The following RGS9 variants were observed in gnomAD, a reference collection of about 807,000 sequenced individuals.
RGS9 encodes regulator of G protein signaling 9.
Under a neutral mutation model 102.0 loss-of-function variants are expected in RGS9, and 78 were observed. The observed-to-expected ratio is 0.76, with a 90% CI of 0.64 to 0.92. The LOEUF (loss-of-function observed/expected upper bound fraction) is 0.92. Ranked by LOEUF, RGS9 falls within the 40% of genes least tolerant of loss-of-function variation. The pLI is 0.00. For missense variants in RGS9, 833 were observed against 866.1 expected (o/e 0.96, Z 0.48); for synonymous variants, 353 against 318.6 (o/e 1.11, Z -1.15).
chr17:65,147,090 A>G (rs1225354797), intron 1 of RGS9, among the ~76,000 whole-genome samples: 1 of 152,004 alleles, frequency 6.6e-6, no homozygotes, highest in African/African-American at 2.4e-5. Context: ...TGCTTCCCTC[A>G]TTGCTGCTGG....
intron 14 of RGS9, among the ~76,000 whole-genome samples, chr17:65,203,190 T>C (rs2144094631): frequency 6.6e-6 from 1 of 152,224 alleles, no homozygotes; most frequent in East Asian, 1.9e-4. Context: ...TCTCACTTCT[T>C]CTTATACTTA....
chr17:65,142,070 C>T (rs1253672882), intron 1 of RGS9, among the ~76,000 whole-genome samples: 1 of 152,180 alleles, frequency 6.6e-6, no homozygotes, highest in Non-Finnish European at 1.5e-5. Context: ...GCCTGGCTAA[C>T]ATGGTGAAAC....
At chr17:65,159,015 T>A (rs1485966765) in intron 3 of RGS9, among the ~76,000 whole-genome samples, 2 of 152,116 alleles carry the variant, frequency 1.3e-5, no homozygotes, top group African/African-American at 4.8e-5. Context: ...CATGGCCTGT[T>A]CCTGACTTAA....
chr17:65,207,852 G>T, intron 15 of RGS9, 70 bp from the exon 16 acceptor site: 1 of 1,120,338 alleles, frequency 8.9e-7, no homozygotes, highest in Non-Finnish European at 1.3e-6. Context: ...GCTTGAAAAT[G>T]GCAAGGGTAT....
chr17:65,152,083 G>A (rs1431022283), intron 1 of RGS9, among the ~76,000 whole-genome samples: 2 of 152,216 alleles, frequency 1.3e-5, no homozygotes, highest in African/African-American at 2.4e-5. Context: ...GGAGCAGGGC[G>A]TCAGGAGTGC....
intron 12 of RGS9, among the ~76,000 whole-genome samples, chr17:65,194,885 G>T (rs1315243516): frequency 1.3e-5 from 2 of 152,206 alleles, no homozygotes; most frequent in Admixed American, 6.5e-5. Flanking sequence ...GGGTAAGCAG[G>T]CCTGGCCTGG....
chr17:65,148,550 A>C (rs1910456867), intron 1 of RGS9, among the ~76,000 whole-genome samples: 1 of 152,214 alleles, frequency 6.6e-6, no homozygotes, highest in Admixed American at 6.5e-5. Context: ...ACAGGGTTCC[A>C]ATTTCAATCT....
intron 8 of RGS9, among the ~76,000 whole-genome samples, chr17:65,177,206 C>T (rs955925060): frequency 6.6e-6 from 1 of 150,660 alleles, no homozygotes; most frequent in African/African-American, 2.4e-5. Context: ...ATTCACCCAC[C>T]CACCATCCAC....
chr17:65,215,546 T>TTCTTTCTTTC (rs1478824196), intron 17 of RGS9, among the ~76,000 whole-genome samples: 6 of 135,604 alleles, frequency 4.4e-5, no homozygotes, highest in African/African-American at 1.6e-4. Flanking sequence ...CTTTCTTTCT[T>TTCTTTCTTTC]TTTTTTTGTT....
intron 1 of RGS9, among the ~76,000 whole-genome samples, chr17:65,144,345 C>A (rs991189839): frequency 6.0e-5 from 9 of 150,734 alleles, no homozygotes; most frequent in African/African-American, 2.2e-4. Context: ...TGAGGAGCAG[C>A]GTGGGCGTGG....
intron 1 of RGS9, among the ~76,000 whole-genome samples, chr17:65,147,586 A>AATTT: frequency 1.1e-5 from 1 of 94,904 alleles, no homozygotes; most frequent in Non-Finnish European, 1.9e-5. Context: ...TCTTTTAAAA[A>AATTT]CTTTTTTTTT....
intron 7 of RGS9, 79 bp from the exon 8 acceptor site, chr17:65,168,121 G>C (rs573908070): frequency 1.1e-6 from 1 of 908,526 alleles, no homozygotes; most frequent in South Asian, 1.4e-5. Flanking sequence ...GAGGGGTCTA[G>C]GTCATCAGGA....
chr17:65,214,354 A>G (rs1390308640), intron 17 of RGS9, among the ~76,000 whole-genome samples: 2 of 152,236 alleles, frequency 1.3e-5, no homozygotes, highest in Non-Finnish European at 2.9e-5. Flanking sequence ...TCTGCCCTCA[A>G]GGGGCTGACA....
intron 1 of RGS9, among the ~76,000 whole-genome samples, chr17:65,144,916 T>A (rs1910295351): frequency 6.6e-6 from 1 of 152,226 alleles, no homozygotes; most frequent in African/African-American, 2.4e-5. Context: ...GAGATCAAAG[T>A]GTGGCACGGT....
chr17:65,206,801 A>G (rs1913081522), intron 15 of RGS9, among the ~76,000 whole-genome samples: 1 of 152,224 alleles, frequency 6.6e-6, no homozygotes, highest in Non-Finnish European at 1.5e-5. Context: ...AAAGAATGGC[A>G]TATATGCCCA....
rs1234540969 is a variant in RGS9, at chr17:65,143,500, G to A, written c.57+5903G>A. Among the ~76,000 whole-genome samples, 5 of 152,082 alleles carry A rather than the reference G, an allele frequency of 3.3e-5. No homozygotes were observed. In the South Asian group the frequency reaches 8.3e-4, roughly 25 times the overall value. ...ATAAGAAAATTTAAAAATTAGCTGG[G>A]GGCCAGGAGTGGTGGCTCACGCCTT... On this transcript the variant is annotated intron_variant, in intron 1 of 18. Coordinates refer to ENST00000262406, the MANE Select transcript of RGS9 (RefSeq NM_003835.4).
chr17:65,161,088 T>C (rs2143995726), intron 6 of RGS9, among the ~76,000 whole-genome samples, 179 bp downstream of exon 6: 1 of 152,316 alleles, frequency 6.6e-6, no homozygotes, highest in South Asian at 2.1e-4. Flanking sequence ...GTAAATTCTT[T>C]CTCATGTCTA....
intron 17 of RGS9, 105 bp from the exon 18 acceptor site, chr17:65,224,897 C>A: frequency 6.7e-7 from 1 of 1,501,032 alleles, no homozygotes; most frequent in Non-Finnish European, 9.2e-7. Flanking sequence ...CAGGCCCGCA[C>A]TCTTGTCGCT....
chr17:65,174,306 C>T (rs1022250648), intron 8 of RGS9, among the ~76,000 whole-genome samples: 4 of 152,170 alleles, frequency 2.6e-5, no homozygotes, highest in Non-Finnish European at 4.4e-5. Context: ...AGGCAGTGAG[C>T]GCCTGTGGAA....
Sources: gnomAD v4.1 joint callset for allele counts (sites outside exome capture counted in the v4.1 genomes callset) on GRCh38, gnomAD v4.1.1 for gene constraint, MANE v1.5 for transcripts, NCBI Gene and HGNC (gene_info 2026-07-23, HGNC 2026-07-21) for gene names.